Variants in WDFY4 observed in about 807,000 individuals in gnomAD.
The protein encoded by WDFY4 is WDFY family member 4.
WDFY4 carries 169 observed loss-of-function variants against 351.9 expected under a neutral mutation model. The observed-to-expected ratio is 0.48, with a 90% CI of 0.42 to 0.55. WDFY4 has a LOEUF of 0.55. Among genes scored for constraint, WDFY4 ranks in the 20% least tolerant of loss-of-function variants. The probability of loss-of-function intolerance (pLI) is 0.00; values close to 1 mark genes in which losing one functional copy is unlikely to be tolerated. For missense variants in WDFY4, 3,803 were observed against 3,935.6 expected (o/e 0.97, Z 0.90); for synonymous variants, 1,622 against 1,574.6 (o/e 1.03, Z -0.71).
chr10:48,870,355 G>A (rs2069718486), intron 40 of WDFY4, among the ~76,000 whole-genome samples: 2 of 152,122 alleles, frequency 1.3e-5, no homozygotes, highest in South Asian at 4.1e-4. Flanking sequence ...GGGCATCATT[G>A]CGAGACCCCA....
intron 1 of WDFY4, among the ~76,000 whole-genome samples, chr10:48,690,796 A>C (rs1379075796): frequency 6.6e-6 from 1 of 152,124 alleles, no homozygotes; most frequent in African/African-American, 2.4e-5. Context: ...GGCTGAACCC[A>C]GGGTTTTTAT....
At chr10:48,970,375 G>C (rs1239082723) in intron 57 of WDFY4, 86 bp downstream of exon 57, 2 of 1,488,582 alleles carry the variant, frequency 1.3e-6, no homozygotes, top group Non-Finnish European at 1.8e-6. Flanking sequence ...ATGGCACCTG[G>C]GCAGGTGTGG....
At chr10:48,754,006 G>A (rs1448170756) in intron 12 of WDFY4, among the ~76,000 whole-genome samples, 1 of 151,922 alleles carries the variant, frequency 6.6e-6, no homozygotes, top group Non-Finnish European at 1.5e-5. Context: ...TGCTCTTTAT[G>A]AGTCAAATCA....
At chr10:48,797,976 TA>T (rs2066929548) in intron 24 of WDFY4, among the ~76,000 whole-genome samples, 1 of 152,148 alleles carries the variant, frequency 6.6e-6, no homozygotes, top group South Asian at 2.1e-4. Flanking sequence ...GAAATCTGGG[TA>T]GAGGATTTTG....
At chr10:48,730,655 A>T (rs373911927) in intron 8 of WDFY4, among the ~76,000 whole-genome samples, 6 of 152,236 alleles carry the variant, frequency 3.9e-5, no homozygotes, top group African/African-American at 1.4e-4. Context: ...ATGCTCTCCA[A>T]TGGAAATACA....
At chr10:48,895,336 C>T (rs1837022128) in intron 44 of WDFY4, among the ~76,000 whole-genome samples, 1 of 152,226 alleles carries the variant, frequency 6.6e-6, no homozygotes, top group African/African-American at 2.4e-5. Context: ...TTGGGGACCA[C>T]ACTGGGAGCT....
intron 12 of WDFY4, among the ~76,000 whole-genome samples, chr10:48,743,768 A>G (rs887476309): frequency 2.6e-5 from 4 of 152,118 alleles, no homozygotes; most frequent in Non-Finnish European, 4.4e-5. Flanking sequence ...GGGTTGGAGG[A>G]TGCTGTCGAG....
intron 24 of WDFY4, among the ~76,000 whole-genome samples, chr10:48,802,163 C>T (rs1181912914): frequency 1.3e-5 from 2 of 151,736 alleles, no homozygotes; most frequent in East Asian, 1.9e-4. Context: ...ACACTTGAGC[C>T]CAAGAATTAG....
chr10:48,938,964 C>T (rs1327723199), intron 47 of WDFY4, among the ~76,000 whole-genome samples: 1 of 152,192 alleles, frequency 6.6e-6, no homozygotes, highest in Non-Finnish European at 1.5e-5. Flanking sequence ...CGCCACAATC[C>T]TCACTGGCTT....
In WDFY4 at chr10:48,807,856, T is replaced by C. The variant is rs114669687; in HGVS notation, c.4739-3T>C. 1,014 of 1,551,602 alleles carry C rather than the reference T, an allele frequency of 6.5e-4. 6 individuals are homozygous for C. The African/African-American group carries it at 0.012, about 19-fold the overall frequency. ...TCTCTCAAATCTGAATTCTTTTTTG[T>C]AGCTGGAAGCCAAACATCTGGAAAG... On this transcript the variant is annotated splice_region_variant and splice_polypyrimidine_tract_variant and intron_variant, in intron 27 of 61. Coordinates refer to ENST00000325239, the MANE Select transcript of WDFY4 (RefSeq NM_001394531.1).
intron 14 of WDFY4, 54 bp from the exon 15 acceptor site, chr10:48,775,655 GAGA>G: frequency 6.7e-7 from 1 of 1,485,342 alleles, no homozygotes; most frequent in Non-Finnish European, 9.2e-7. Flanking sequence ...GATAAAGTTG[GAGA>G]ACACTGTTGC....
rs1842858660 is a variant in WDFY4, at chr10:48,982,695, A to T, written c.*120A>T. The stretch of plus-strand genomic sequence containing the variant: ...CAGGGCCTCCTTCCCCACAGTTCTC[A>T]AGGAAGGGCCTCTGGCAATCACAGC... On this transcript the variant is annotated 3_prime_UTR_variant, in exon 62 of 62. Transcript: ENST00000325239. 2.0e-6 allele frequency: 2 copies of T among 988,368 alleles called. No individual in the cohort carries two copies. Among genetic ancestry groups the T allele is most frequent in the Admixed American group, 2.1e-5 (1 of 47,958 alleles). 61.2% of individuals were successfully genotyped at this position (988,368 alleles called of 1,614,324 possible).
intron 41 of WDFY4, among the ~76,000 whole-genome samples, chr10:48,874,860 A>G (rs1460079210): frequency 1.3e-5 from 2 of 152,234 alleles, no homozygotes; most frequent in East Asian, 3.9e-4. Context: ...CGTAAGTCCT[A>G]CTTAATGGAA....
intron 61 of WDFY4, among the ~76,000 whole-genome samples, chr10:48,982,179 G>T (rs142266309): frequency 3.3e-5 from 5 of 152,324 alleles, no homozygotes; most frequent in African/African-American, 1.2e-4. Flanking sequence ...CTTGCCATTT[G>T]TTCTGCCCTG....
rs530417523 is a variant in WDFY4 at position 48,818,169 on chromosome 10, A to T, written c.5505+760A>T. On this transcript the variant is annotated intron_variant, in intron 32 of 61. Coordinates refer to ENST00000325239, the MANE Select transcript of WDFY4 (RefSeq NM_001394531.1). The stretch of plus-strand genomic sequence containing the variant: ...CCACCCCCACTCTGGTGGATTAGGA[A>T]GTGGAGACCCAGTGAGGGCAAGTGA... Among the ~76,000 whole-genome samples the T allele has an allele frequency of 1.2e-4, 19 of 152,348 alleles. No homozygotes were observed. The East Asian group carries it at 3.5e-3, about 28-fold the overall frequency.
chr10:48,834,159 T>C (rs148184830), intron 39 of WDFY4, among the ~76,000 whole-genome samples: 51 of 152,346 alleles, frequency 3.3e-4, no homozygotes, highest in African/African-American at 1.2e-3. Context: ...ATAAGTTCAT[T>C]GATAGACTCA....
chr10:48,761,374 G>C (rs1437264423), intron 13 of WDFY4, among the ~76,000 whole-genome samples: 2 of 152,198 alleles, frequency 1.3e-5, no homozygotes, highest in African/African-American at 4.8e-5. Context: ...GTGGAGAATG[G>C]ACAGGGAATG....
In WDFY4 at chr10:48,762,673, C is replaced by T. The variant is rs192691277; in HGVS notation, c.2553+2233C>T. ...AAGCTGGCTTAGCTGAGTGGCATACCTGGGGCCTTGGTTGAAGCTGTCAGT... is the reference window on the plus strand; with the variant it reads ...AAGCTGGCTTAGCTGAGTGGCATACTTGGGGCCTTGGTTGAAGCTGTCAGT... On this transcript the variant is annotated intron_variant, in intron 13 of 61. Coordinates refer to ENST00000325239, the MANE Select transcript of WDFY4 (RefSeq NM_001394531.1). Among the ~76,000 whole-genome samples, 612 of 152,314 alleles carry T rather than the reference C, an allele frequency of 4.0e-3. 6 individuals carry two copies. The highest frequency in any genetic ancestry group is 0.014 in the African/African-American group (569 of 41,568).
At position 48,974,923 on chromosome 10, in the gene WDFY4, T is replaced by C. The variant is rs957470259; in HGVS notation, c.8990T>C (p.Leu2997Pro). 2 of 1,551,636 alleles carry C rather than the reference T, an allele frequency of 1.3e-6. No homozygotes were observed. The highest frequency in any genetic ancestry group is 8.7e-7 in the Non-Finnish European group (1 of 1,146,964). Residue 2997 changes from leucine (L) to proline (P), a missense_variant, in exon 58 of 62, where the codon CTG (leucine) becomes CCG (proline). Leu to Pro is a moderately conservative substitution (Grantham distance 98). This residue lies in a region of WDFY4 where 3,054 missense variants were observed against 3,148.6 expected (regional missense o/e 0.97). Transcript: ENST00000325239. ...GCAGCGTCAGTCACCTTCAGCCTCC[T>C]GGTGAGCGGCTCCCAGGACTGCACC... The part of the protein sequence containing the change: ...CLAASVTFSL[L>P]VSGSQDCTCI...
Sources: allele counts gnomAD v4.1 joint callset (sites outside exome capture counted in the v4.1 genomes callset), GRCh38; gene constraint gnomAD v4.1.1; regional missense constraint gnomAD v4.1.1; transcripts MANE v1.5; gene names NCBI Gene and HGNC (gene_info 2026-07-23, HGNC 2026-07-21).